The following C8orf34 variants were observed in gnomAD, a reference collection of about 807,000 sequenced individuals.
C8orf34 encodes uncharacterized protein C8orf34.
In C8orf34, 65 loss-of-function variants were observed where a neutral mutation model predicts 68.3. The observed-to-expected ratio is 0.95, with a 90% CI of 0.78 to 1.17. The LOEUF is 1.17. C8orf34 is among the 50% of genes most tolerant of loss of function. C8orf34 has a pLI of 0.00. For missense variants in C8orf34, 664 were observed against 655.4 expected, an observed-to-expected ratio of 1.01 and a Z score of -0.14; for synonymous variants, 244 against 241.2, an observed-to-expected ratio of 1.01 and a Z score of -0.11.
intron 10 of C8orf34, among the ~76,000 whole-genome samples, chr8:68,727,897 A>T (rs1821877677): frequency 6.6e-6 from 1 of 152,192 alleles, no homozygotes; most frequent in Non-Finnish European, 1.5e-5. Flanking sequence ...GCTGCCGAGA[A>T]GTTCTCTGAC....
At chr8:68,703,402 G>T (rs1430389074) in intron 8 of C8orf34, among the ~76,000 whole-genome samples, 1 of 151,922 alleles carries the variant, frequency 6.6e-6, no homozygotes, top group Admixed American at 6.6e-5. Context: ...ATCTTTATCA[G>T]CCCCACTTGT....
chr8:68,493,041 A>T (rs1813381492), intron 5 of C8orf34, among the ~76,000 whole-genome samples: 1 of 152,226 alleles, frequency 6.6e-6, no homozygotes, highest in Admixed American at 6.5e-5. Flanking sequence ...ATGGAAAGTA[A>T]TTTAAACTAA....
At chr8:68,397,300 T>C (rs1473893032) in intron 1 of C8orf34, among the ~76,000 whole-genome samples, 4 of 152,060 alleles carry the variant, frequency 2.6e-5, no homozygotes, top group East Asian at 1.9e-4. Flanking sequence ...TGTTTTTACA[T>C]TGAAGCAATC....
At chr8:68,525,952 C>CTTTT in intron 6 of C8orf34, 1 of 177,820 alleles carries the variant, frequency 5.6e-6, no homozygotes, top group Non-Finnish European at 1.1e-5. Flanking sequence ...AAATTTCTTT[C>CTTTT]TTTCTTTTTT....
chr8:68,754,459 TAGAA>T (rs1822795016), intron 10 of C8orf34, among the ~76,000 whole-genome samples: 2 of 152,154 alleles, frequency 1.3e-5, no homozygotes, highest in Non-Finnish European at 2.9e-5. Context: ...TTTAAGAATC[TAGAA>T]AGGAATGTTA....
intron 7 of C8orf34, among the ~76,000 whole-genome samples, chr8:68,613,446 C>CG (rs1818087620): frequency 6.6e-6 from 1 of 150,484 alleles, no homozygotes. Context: ...CTCCCCCTCC[C>CG]CCCACACAAC....
chr8:68,502,922 C>T (rs1465939770), intron 5 of C8orf34, among the ~76,000 whole-genome samples: 2 of 152,114 alleles, frequency 1.3e-5, no homozygotes, highest in Non-Finnish European at 2.9e-5. Flanking sequence ...GATCTAACTA[C>T]CAGTTTATGG....
At chr8:68,433,536 A>C (rs1183301285) in intron 1 of C8orf34, among the ~76,000 whole-genome samples, 1 of 152,214 alleles carries the variant, frequency 6.6e-6, no homozygotes, top group Non-Finnish European at 1.5e-5. Context: ...TAGGGAAATG[A>C]AGCAAAAAGT....
At chr8:68,343,936 A>G (rs1806176868) in intron 1 of C8orf34, among the ~76,000 whole-genome samples, 2 of 152,100 alleles carry the variant, frequency 1.3e-5, no homozygotes, top group Admixed American at 1.3e-4. Flanking sequence ...CATGTTGCTC[A>G]GGCTGGTCTC....
intron 1 of C8orf34, among the ~76,000 whole-genome samples, chr8:68,353,385 T>C (rs949227739): frequency 3.3e-5 from 5 of 151,954 alleles, no homozygotes; most frequent in African/African-American, 1.2e-4. Flanking sequence ...AGTTTAACTA[T>C]TTTGGTAATA....
At chr8:68,562,343 A>G (rs1816457733) in intron 7 of C8orf34, among the ~76,000 whole-genome samples, 2 of 151,472 alleles carry the variant, frequency 1.3e-5, no homozygotes, top group Non-Finnish European at 2.9e-5. Context: ...TACTTGGGAA[A>G]CTCATTATCT....
chr8:68,557,076 A>G (rs1371396587), intron 7 of C8orf34, among the ~76,000 whole-genome samples: 1 of 152,156 alleles, frequency 6.6e-6, no homozygotes, highest in African/African-American at 2.4e-5. Context: ...TATTTTATTG[A>G]ATTTTGGTAT....
At chr8:68,677,431 T>A (rs900192222) in intron 8 of C8orf34, among the ~76,000 whole-genome samples, 6 of 152,162 alleles carry the variant, frequency 3.9e-5, no homozygotes, top group Non-Finnish European at 7.4e-5. Flanking sequence ...TGATATTGGC[T>A]CATTGCAACC....
intron 4 of C8orf34, among the ~76,000 whole-genome samples, chr8:68,487,412 G>T (rs1288466190): frequency 6.6e-6 from 1 of 152,186 alleles, no homozygotes; most frequent in Non-Finnish European, 1.5e-5. Context: ...AATAATTTTG[G>T]AGAAAGGATA....
In C8orf34 at chr8:68,522,067, A is replaced by T. The variant is rs531322783; in HGVS notation, c.938+96A>T. 6.4e-5 allele frequency: 74 copies of T among 1,158,130 alleles called. No individual in the cohort carries two copies. In the South Asian group the frequency reaches 1.1e-3, roughly 17 times the overall value. 71.7% of individuals were successfully genotyped at this position (1,158,130 alleles called of 1,614,324 possible). A position where few individuals can be genotyped will look rare whatever the true frequency, so the allele number is the denominator to read the frequency against. On this transcript the variant is annotated intron_variant, in intron 6 of 13. Transcript: ENST00000518698. The stretch of plus-strand genomic sequence containing the variant: ...TCATGGTTTTTATGAAATCCGTTTT[A>T]GTAATTTTTTATAGAAAATTATGTT...
chr8:68,554,191 T>C (rs1350439341), intron 7 of C8orf34, among the ~76,000 whole-genome samples: 2 of 152,292 alleles, frequency 1.3e-5, no homozygotes, highest in East Asian at 3.9e-4. Flanking sequence ...ATGTATGTTA[T>C]ACTTACAACT....
At chr8:68,512,799 AC>A (rs1814333682) in intron 5 of C8orf34, among the ~76,000 whole-genome samples, 1 of 151,044 alleles carries the variant, frequency 6.6e-6, no homozygotes, top group Non-Finnish European at 1.5e-5. Flanking sequence ...AAAAAAAAAA[AC>A]CACCAACAAC....
At chr8:68,631,745 A>C (rs1345691287) in intron 7 of C8orf34, among the ~76,000 whole-genome samples, 3 of 152,038 alleles carry the variant, frequency 2.0e-5, no homozygotes, top group Non-Finnish European at 4.4e-5. Flanking sequence ...AGTTCTCTGG[A>C]GATCTGATGG....
intron 7 of C8orf34, among the ~76,000 whole-genome samples, chr8:68,605,918 A>T (rs1356431494): frequency 1.3e-5 from 2 of 152,134 alleles, no homozygotes; most frequent in Non-Finnish European, 2.9e-5. Context: ...GTTGTAACAG[A>T]TGAACCCCTG....
Sources: gnomAD v4.1 joint callset for allele counts (sites outside exome capture counted in the v4.1 genomes callset) on GRCh38, gnomAD v4.1.1 for gene constraint, MANE v1.5 for transcripts, NCBI Gene and HGNC (gene_info 2026-07-23, HGNC 2026-07-21) for gene names.